The following ATP2A2 variants were observed in gnomAD, a reference collection of about 807,000 sequenced individuals.
ATP2A2 encodes sarcoplasmic/endoplasmic reticulum calcium ATPase 2.
ATP2A2 carries 14 observed loss-of-function variants against 109.3 expected under a neutral mutation model. That is an observed-to-expected ratio of 0.13 (90% confidence interval 0.08 to 0.20). ATP2A2 has a LOEUF of 0.20. Ranked by LOEUF, ATP2A2 falls within the 10% of genes least tolerant of loss-of-function variation. The probability of loss-of-function intolerance (pLI) is 1.00; values close to 1 mark genes in which losing one functional copy is unlikely to be tolerated. For synonymous variants in ATP2A2, 506 were observed against 490.9 expected, an observed-to-expected ratio of 1.03 and a Z score of -0.41; for missense variants, 657 against 1,321.6, an observed-to-expected ratio of 0.50 and a Z score of 7.80.
At chr12:110,335,145 G>A (rs1375038188) in intron 11 of ATP2A2, among the ~76,000 whole-genome samples, 1 of 152,158 alleles carries the variant, frequency 6.6e-6, no homozygotes, top group East Asian at 1.9e-4. Flanking sequence ...ACCTGAGTGA[G>A]GTTCCTCTCA....
In ATP2A2 at chr12:110,347,540, G is replaced by T. The variant is rs997653588; in HGVS notation, c.*1070G>T. 1.6e-5 allele frequency: 20 copies of T among 1,287,758 alleles called. No homozygotes were observed. Among genetic ancestry groups the T allele is most frequent in the Non-Finnish European group, 2.0e-5 (20 of 987,724 alleles). 79.8% of individuals were successfully genotyped at this position (1,287,758 alleles called of 1,614,324 possible). A position where few individuals can be genotyped will look rare whatever the true frequency, so the allele number is the denominator to read the frequency against. On this transcript the variant is annotated 3_prime_UTR_variant, in exon 20 of 20. Coordinates refer to ENST00000539276, the MANE Select transcript of ATP2A2 (RefSeq NM_170665.4). ...ATTTTATGCAAGTTTCTGCTGGCCT[G>T]GTATAGAGAACATAAGGGCAAGTGT... is the stretch of plus-strand genomic sequence containing the variant.
chr12:110,300,176 C>T (rs1403078488), intron 5 of ATP2A2, among the ~76,000 whole-genome samples: 12 of 102,888 alleles, frequency 1.2e-4, no homozygotes, highest in Middle Eastern at 4.9e-3. Context: ...CCTTCTTTCT[C>T]GCTCTCTCTT....
Position 110,347,899 on chromosome 12 carries a change from G to C in ATP2A2, c.*1429G>C, listed in dbSNP as rs1449770724. 3 of 995,640 alleles carry C rather than the reference G, an allele frequency of 3.0e-6. No individual in the cohort carries two copies. The East Asian group carries it at 3.2e-4, about 106-fold the overall frequency. The allele number at this position is 995,640 out of a possible 1,614,324, so 61.7% of individuals were successfully genotyped here. A position where few individuals can be genotyped will look rare whatever the true frequency, so the allele number is the denominator to read the frequency against. Reference sequence around the variant, plus strand: ...ATAAGCCGCCTCCATGGCAGATGCTGCTGTGCTCCCTGATGCCCTGTGAGC... The same window carrying C: ...ATAAGCCGCCTCCATGGCAGATGCTCCTGTGCTCCCTGATGCCCTGTGAGC... On this transcript the variant is annotated 3_prime_UTR_variant, in exon 20 of 20. Transcript: ENST00000539276.
At chr12:110,333,384 G>A (rs1592851817) in intron 10 of ATP2A2, 101 bp downstream of exon 10, 3 of 1,144,098 alleles carry the variant, frequency 2.6e-6, no homozygotes, top group East Asian at 4.7e-5. Context: ...TGAAAGTCAA[G>A]GGTGCCTGAT....
At position 110,339,587 on chromosome 12, in the gene ATP2A2, A is replaced by G. The variant is rs766125552; in HGVS notation, c.1627A>G (p.Lys543Glu). 19 of 1,614,118 alleles carry G rather than the reference A, an allele frequency of 1.2e-5. No individual in the cohort carries two copies. The Admixed American group carries it at 3.2e-4, about 27-fold the overall frequency. The change falls in exon 13 of 20, where the codon AAG (lysine) becomes GAG (glutamate). Residue 543 changes from lysine (K) to glutamate (E), a missense_variant. Physicochemically the swap from Lys to Glu is moderately conservative, Grantham distance 56 (BLOSUM62 1). Coordinates refer to ENST00000539276, the MANE Select transcript of ATP2A2 (RefSeq NM_170665.4). This position sits in a 1 kb window ranked among gnomAD's most constrained non-coding sequence, Gnocchi z 4.4. ...TCCTATGACCTCTGGAGTCAAACAG[A>G]AGATCATGTCTGTCATTCGAGAGTG... The part of the protein sequence containing the change: ...KVPMTSGVKQ[K>E]IMSVIREWGS...
Position 110,281,264 on chromosome 12 carries a change from G to C in ATP2A2, c.-526G>C, listed in dbSNP as rs1872045382. ...TAAATGCTATTAGAGCAGCCGCCGC[G>C]GAGCCGTCCCCGACGCCACCTCCTT... is the stretch of plus-strand genomic sequence containing the variant. On this transcript the variant is annotated 5_prime_UTR_variant, in exon 1 of 20. Coordinates refer to ENST00000539276, the MANE Select transcript of ATP2A2 (RefSeq NM_170665.4). 6.6e-6 allele frequency: 1 copy of C among 151,454 alleles called. No homozygotes were observed. The highest frequency in any genetic ancestry group is 1.5e-5 in the Non-Finnish European group (1 of 67,806). 9.4% of individuals were successfully genotyped at this position (151,454 alleles called of 1,614,324 possible). A position where few individuals can be genotyped will look rare whatever the true frequency, so the allele number is the denominator to read the frequency against.
At chr12:110,302,228 CT>C (rs112656140) in intron 5 of ATP2A2, among the ~76,000 whole-genome samples, 1,864 of 152,262 alleles carry the variant, frequency 0.012, 10 homozygotes, top group African/African-American at 0.021. Context: ...CCATCCAGAA[CT>C]TTTATCTTCC....
chr12:110,342,075 A>C lies in ATP2A2; in HGVS notation c.2098-153A>C, dbSNP rs774626167. 5.9e-5 allele frequency among the ~76,000 whole-genome samples: 9 copies of C among 152,170 alleles called. No homozygotes were observed. The highest frequency in any genetic ancestry group is 1.3e-4 in the Non-Finnish European group (9 of 68,026). On this transcript the variant is annotated intron_variant, in intron 14 of 19. Coordinates refer to ENST00000539276, the MANE Select transcript of ATP2A2 (RefSeq NM_170665.4). The surrounding 1 kb of genome is among the most constrained non-coding windows in gnomAD (Gnocchi z 4.6). Reference sequence around the variant, plus strand: ...TTTCCTAGGTAAAATGTGTTTTGTGACACCAACTTATGAAACAAAAATTCT... The same window carrying C: ...TTTCCTAGGTAAAATGTGTTTTGTGCCACCAACTTATGAAACAAAAATTCT...
rs951379365 is a variant in ATP2A2, at chr12:110,348,839, G to A, written c.*2369G>A. 4 of 985,334 alleles carry A rather than the reference G, an allele frequency of 4.1e-6. No homozygotes were observed. The highest frequency in any genetic ancestry group is 6.1e-5 in the Admixed American group (1 of 16,264). The allele number at this position is 985,334 out of a possible 1,614,324, so 61.0% of individuals were successfully genotyped here. A position where few individuals can be genotyped will look rare whatever the true frequency, so the allele number is the denominator to read the frequency against. On this transcript the variant is annotated 3_prime_UTR_variant, in exon 20 of 20. Transcript: ENST00000539276. ...TTTGCCAGTTTGAGCATCATGAGGT[G>A]TAACAAGAAATGGGTTGAATGGGCC...
In ATP2A2 at chr12:110,346,028, G is replaced by A. The variant is rs369415132; in HGVS notation, c.2769G>A (p.Arg923=). The A allele has an allele frequency of 3.1e-5, 50 of 1,614,048 alleles. No individual in the cohort carries two copies. Among genetic ancestry groups the A allele is most frequent in the Non-Finnish European group, 3.7e-5 (44 of 1,180,044 alleles). Residue 923 remains arginine (R), a synonymous_variant, in exon 19 of 20, where the codon AGG becomes AGA. Transcript: ENST00000539276. The part of the protein sequence containing the change: ...NSLSENQSLL[R]MPPWENIWLV... ...TGTCCGAAAACCAGTCCTTGCTGAG[G>A]ATGCCCCCCTGGGAGAACATCTGGC... is the stretch of plus-strand genomic sequence containing the variant.
At chr12:110,298,647 G>A (rs572396737) in intron 5 of ATP2A2, among the ~76,000 whole-genome samples, 11 of 152,214 alleles carry the variant, frequency 7.2e-5, no homozygotes, top group Non-Finnish European at 1.5e-4. Flanking sequence ...AAACCCAGGA[G>A]GCAGAGGTTG....
intron 3 of ATP2A2, among the ~76,000 whole-genome samples, chr12:110,283,591 T>C (rs1347316379): frequency 2.6e-5 from 4 of 152,204 alleles, no homozygotes; most frequent in Non-Finnish European, 4.4e-5. Flanking sequence ...GTTGCATTTT[T>C]TTTCTTGGGC....
intron 15 of ATP2A2, among the ~76,000 whole-genome samples, 175 bp from the exon 16 acceptor site, chr12:110,343,057 A>C (rs1879505083): frequency 6.6e-6 from 1 of 152,230 alleles, no homozygotes; most frequent in African/African-American, 2.4e-5. Context: ...TCTGAATTTA[A>C]GTAATAAACT....
chr12:110,321,681 C>T (rs755034579), intron 5 of ATP2A2, among the ~76,000 whole-genome samples: 28 of 152,158 alleles, frequency 1.8e-4, no homozygotes, highest in Non-Finnish European at 3.5e-4. Context: ...GTGATCCTCC[C>T]GCCTCAGCCT....
At chr12:110,312,382 G>T (rs1450698021) in intron 5 of ATP2A2, among the ~76,000 whole-genome samples, 2 of 152,082 alleles carry the variant, frequency 1.3e-5, no homozygotes, top group African/African-American at 2.4e-5. Flanking sequence ...GAGTAGCAAG[G>T]CTCTAGAGCA....
intron 14 of ATP2A2, 118 bp downstream of exon 14, chr12:110,341,112 G>A: frequency 8.8e-7 from 1 of 1,133,218 alleles, no homozygotes; most frequent in Non-Finnish European, 1.3e-6. Flanking sequence ...TCATGATTTG[G>A]GTCTTTTCTC....
In ATP2A2 at chr12:110,339,449, A is replaced by G; in HGVS notation, c.1542+46A>G. On this transcript the variant is annotated intron_variant, in intron 12 of 19. Transcript: ENST00000539276. This position sits in a 1 kb window ranked among gnomAD's most constrained non-coding sequence, Gnocchi z 4.4. ...TTGAGATGTTCTTGCCAGGGTTAAG[A>G]TCCCGGTGAACCAATAAAACAAAAT... 2 of 1,614,216 alleles carry G rather than the reference A, an allele frequency of 1.2e-6. No homozygotes were observed. The highest frequency in any genetic ancestry group is 1.7e-6 in the Non-Finnish European group (2 of 1,180,048).
At chr12:110,322,526 T>C (rs1427010968) in intron 5 of ATP2A2, among the ~76,000 whole-genome samples, 2 of 152,102 alleles carry the variant, frequency 1.3e-5, no homozygotes, top group Non-Finnish European at 2.9e-5. Flanking sequence ...ATTTGCCATG[T>C]GTTTCGTTAA....
At chr12:110,344,833 G>A in intron 16 of ATP2A2, 53 bp from the exon 17 acceptor site, 1 of 1,554,616 alleles carries the variant, frequency 6.4e-7, no homozygotes, top group Non-Finnish European at 8.9e-7. Context: ...TGGCCTCGGT[G>A]GCAGCGAGCC....
Sources: allele counts gnomAD v4.1 joint callset (sites outside exome capture counted in the v4.1 genomes callset), GRCh38; gene constraint gnomAD v4.1.1; non-coding constraint Gnocchi (gnomAD v3.1); transcripts MANE v1.5; gene names NCBI Gene and HGNC (gene_info 2026-07-23, HGNC 2026-07-21).